Variants in AKAP19 observed in about 807,000 individuals in gnomAD.
AKAP19 encodes the protein small A-kinase anchoring protein.
At chr2:189,904,506 G>C in the AKAP19 span, among the ~76,000 whole-genome samples, 141 of 152,054 alleles carry the variant, frequency 9.3e-4, no homozygotes, top group Non-Finnish European at 1.7e-3. Context: ...AATGGGAAAA[G>C]GGTACGTTAC....
At chr2:190,004,045 T>C in the AKAP19 span, among the ~76,000 whole-genome samples, 1 of 151,822 alleles carries the variant, frequency 6.6e-6, no homozygotes, top group Admixed American at 6.6e-5. Context: ...CAAGACACTA[T>C]CATTTTGGGG....
At chr2:189,922,095 G>T in the AKAP19 span, among the ~76,000 whole-genome samples, 1 of 152,124 alleles carries the variant, frequency 6.6e-6, no homozygotes, top group African/African-American at 2.4e-5. Context: ...GCCAGGTGAA[G>T]AGGGAACAAT....
At chr2:189,932,123 G>T in the AKAP19 span, among the ~76,000 whole-genome samples, 1 of 152,084 alleles carries the variant, frequency 6.6e-6, no homozygotes, top group African/African-American at 2.4e-5. Context: ...CTTTATCCAT[G>T]TGACCAACAA....
chr2:189,992,652 A>G, the AKAP19 span, among the ~76,000 whole-genome samples: 2 of 152,186 alleles, frequency 1.3e-5, no homozygotes, highest in Non-Finnish European at 2.9e-5. Context: ...CTCATCCATG[A>G]GCATGGGATG....
the AKAP19 span, among the ~76,000 whole-genome samples, chr2:189,923,024 G>A: frequency 6.6e-6 from 1 of 152,086 alleles, no homozygotes; most frequent in Admixed American, 6.6e-5. Flanking sequence ...GGCAGTGTAC[G>A]CCTATAGTCC....
the AKAP19 span, among the ~76,000 whole-genome samples, chr2:190,083,300 T>C: frequency 3.3e-5 from 5 of 152,092 alleles, no homozygotes; most frequent in Non-Finnish European, 7.4e-5. Flanking sequence ...GATCGATGCC[T>C]GGGAGGTGGA....
chr2:190,121,108 T>A, the AKAP19 span, among the ~76,000 whole-genome samples: 3 of 148,220 alleles, frequency 2.0e-5, no homozygotes, highest in Non-Finnish European at 3.0e-5. Context: ...ACTAAAAATC[T>A]AAGTCTTTTT....
At chr2:190,020,724 C>G in the AKAP19 span, among the ~76,000 whole-genome samples, 2 of 152,194 alleles carry the variant, frequency 1.3e-5, no homozygotes, top group East Asian at 1.9e-4. Context: ...AACTGAAACT[C>G]TATTCTCATT....
chr2:190,113,682 C>T, the AKAP19 span, among the ~76,000 whole-genome samples: 1 of 152,236 alleles, frequency 6.6e-6, no homozygotes, highest in African/African-American at 2.4e-5. Context: ...TTCCTCTTTT[C>T]TATCCCAGGA....
the AKAP19 span, among the ~76,000 whole-genome samples, chr2:190,025,474 T>A: frequency 2.0e-5 from 3 of 152,190 alleles, no homozygotes; most frequent in Non-Finnish European, 4.4e-5. Context: ...TTTTGACAAT[T>A]ACATATAGTA....
At chr2:190,122,355 AT>A in the AKAP19 span, among the ~76,000 whole-genome samples, 1 of 152,170 alleles carries the variant, frequency 6.6e-6, no homozygotes, top group African/African-American at 2.4e-5. Flanking sequence ...GAGGCTGTTA[AT>A]TTTATGTATT....
the AKAP19 span, among the ~76,000 whole-genome samples, chr2:190,187,194 C>T: frequency 6.6e-6 from 1 of 152,160 alleles, no homozygotes; most frequent in East Asian, 1.9e-4. Context: ...AAGACCACAA[C>T]ATGGTTTTTT....
the AKAP19 span, among the ~76,000 whole-genome samples, chr2:189,963,149 T>A: frequency 6.6e-6 from 1 of 151,932 alleles, no homozygotes; most frequent in African/African-American, 2.4e-5. Context: ...CCTGTTCAAG[T>A]TTTCTCATGA....
At chr2:189,955,818 A>T in the AKAP19 span, among the ~76,000 whole-genome samples, 3 of 152,194 alleles carry the variant, frequency 2.0e-5, no homozygotes, top group African/African-American at 4.8e-5. Context: ...TTCAAAAAAG[A>T]TTTGTATTTT....
At chr2:189,887,040 T>G in the AKAP19 span, among the ~76,000 whole-genome samples, 35 of 152,312 alleles carry the variant, frequency 2.3e-4, no homozygotes, top group South Asian at 2.3e-3. Context: ...GTGCAGAACA[T>G]GCAGATTCGT....
the AKAP19 span, among the ~76,000 whole-genome samples, chr2:190,158,765 C>T: frequency 6.6e-6 from 1 of 152,208 alleles, no homozygotes. Flanking sequence ...AGAGGCAGAT[C>T]TAAAAGTGAT....
the AKAP19 span, among the ~76,000 whole-genome samples, chr2:190,102,500 G>A: frequency 3.1e-3 from 476 of 152,066 alleles, 5 homozygotes; most frequent in South Asian, 6.0e-3. Context: ...TGACAAAGGC[G>A]ACATTACAAT....
the AKAP19 span, among the ~76,000 whole-genome samples, chr2:189,900,398 A>C: frequency 6.6e-6 from 1 of 152,140 alleles, no homozygotes; most frequent in Non-Finnish European, 1.5e-5. Flanking sequence ...CCCCCCCAAA[A>C]TGATAGTTCT....
chr2:190,187,777 C>G, the AKAP19 span, among the ~76,000 whole-genome samples: 1 of 152,130 alleles, frequency 6.6e-6, no homozygotes, highest in East Asian at 1.9e-4. Flanking sequence ...TAGTTTGAAC[C>G]CAGGAGTTCG....
Sources: allele counts gnomAD v4.1 joint callset (sites outside exome capture counted in the v4.1 genomes callset), GRCh38; gene constraint gnomAD v4.1.1; transcripts MANE v1.5; gene names NCBI Gene and HGNC (gene_info 2026-07-23, HGNC 2026-07-21).